Variants in LRIG3 observed in about 807,000 individuals in gnomAD.
LRIG3 encodes leucine rich repeats and immunoglobulin like domains 3.
A neutral mutation model predicts 114.5 loss-of-function variants in LRIG3; 76 were observed. That is an observed-to-expected ratio of 0.66 (90% CI 0.55 to 0.80). LRIG3 has a LOEUF of 0.80. Among genes scored for constraint, LRIG3 ranks in the 30% least tolerant of loss-of-function variants. The pLI, the probability that LRIG3 is intolerant of heterozygous loss-of-function variation, is 0.00. For missense variants in LRIG3, 1,239 were observed against 1,382.8 expected (o/e 0.90, Z 1.65); for synonymous variants, 512 against 519.8 (o/e 0.98, Z 0.20).
intron 10 of LRIG3, among the ~76,000 whole-genome samples, chr12:58,884,519 A>G (rs1592297028): frequency 6.6e-6 from 1 of 152,238 alleles, no homozygotes; most frequent in East Asian, 1.9e-4. Context: ...ACGTTCCCAG[A>G]AACGGAATGG....
chr12:58,907,590 A>G (rs1377125027), intron 3 of LRIG3, among the ~76,000 whole-genome samples: 1 of 152,074 alleles, frequency 6.6e-6, no homozygotes, highest in Non-Finnish European at 1.5e-5. Context: ...CATTTTCAGA[A>G]CTCTTTCATG....
chr12:58,880,618 A>C lies in LRIG3; in HGVS notation c.1764T>G (p.Gly588=), dbSNP rs1430822541. 1.9e-6 allele frequency: 3 copies of C among 1,614,012 alleles called. No individual in the cohort carries two copies. The highest frequency in any genetic ancestry group is 2.7e-5 in the African/African-American group (2 of 74,942). ...GCTTGGCTTTGACAGAGTAGGATGAACCAAAGTGATTGGAGATGACACACT... is the reference window on the plus strand; with the variant it reads ...GCTTGGCTTTGACAGAGTAGGATGACCCAAAGTGATTGGAGATGACACACT... ...KYQCVISNHF[G]SSYSVKAKLT... The change falls in exon 13 of 19, where the codon GGT becomes GGG. Residue 588 remains glycine (G), a synonymous_variant. Transcript: ENST00000320743.
chr12:58,916,218 G>C (rs1872477218), intron 1 of LRIG3, among the ~76,000 whole-genome samples: 1 of 152,120 alleles, frequency 6.6e-6, no homozygotes, highest in Non-Finnish European at 1.5e-5. Context: ...TAAAAAATAA[G>C]AAACTCCCTT....
In LRIG3 at chr12:58,891,369, A is replaced by G. The variant is rs564997973; in HGVS notation, c.384-573T>C. On this transcript the variant is annotated intron_variant, in intron 3 of 18. Coordinates refer to ENST00000320743, the MANE Select transcript of LRIG3 (RefSeq NM_153377.5). ...GCAATCCTCCAGCCTCAGCCTCCCA[A>G]AGTGCTAGGATTACAGGTGTGAGCC... Among the ~76,000 whole-genome samples, 5 of 151,968 alleles carry G rather than the reference A, an allele frequency of 3.3e-5. No individual in the cohort carries two copies. The East Asian group carries it at 9.7e-4, about 29-fold the overall frequency.
chr12:58,882,738 A>G (rs1871160284), intron 12 of LRIG3, 131 bp downstream of exon 12: 2 of 979,198 alleles, frequency 2.0e-6, no homozygotes, highest in Non-Finnish European at 2.9e-6. Context: ...CTATAGACCC[A>G]TTTTCCTCTA....
At chr12:58,878,343 C>T (rs1022705509) in intron 14 of LRIG3, among the ~76,000 whole-genome samples, 3 of 151,814 alleles carry the variant, frequency 2.0e-5, no homozygotes, top group Non-Finnish European at 2.9e-5. Flanking sequence ...TTCAAAGATA[C>T]GTGAATAATA....
intron 16 of LRIG3, 121 bp downstream of exon 16, chr12:58,876,324 A>C (rs1870915003): frequency 2.0e-6 from 2 of 1,024,660 alleles, no homozygotes; most frequent in Non-Finnish European, 2.8e-6. Context: ...CTTGCTAGTG[A>C]TCTTGGGCCA....
At position 58,872,535 on chromosome 12, in the gene LRIG3, G is replaced by GGTA; in HGVS notation, c.*34_*36dup. On this transcript the variant is annotated 3_prime_UTR_variant, in exon 19 of 19. Transcript: ENST00000320743. ...CTCTTTTAAATAAAAGTTCACTTGA[G>GGTA]GTAGTATGTTAAGCTTTTCCTTTGG... is the stretch of plus-strand genomic sequence containing the variant. 6.6e-7 allele frequency: 1 copy of GGTA among 1,521,486 alleles called. No individual in the cohort carries two copies. The highest frequency in any genetic ancestry group is 8.8e-7 in the Non-Finnish European group (1 of 1,131,690). 94.2% of individuals were successfully genotyped at this position (1,521,486 alleles called of 1,614,324 possible).
At chr12:58,906,548 T>C (rs1290934284) in intron 3 of LRIG3, among the ~76,000 whole-genome samples, 1 of 152,228 alleles carries the variant, frequency 6.6e-6, no homozygotes, top group East Asian at 1.9e-4. Flanking sequence ...AATGCACGCT[T>C]ATGAATGAAA....
At chr12:58,903,454 T>C (rs1212204907) in intron 3 of LRIG3, among the ~76,000 whole-genome samples, 1 of 152,248 alleles carries the variant, frequency 6.6e-6, no homozygotes, top group African/African-American at 2.4e-5. Flanking sequence ...CATTGTGGAT[T>C]CTGGATATTA....
At chr12:58,893,483 C>T (rs1033357704) in intron 3 of LRIG3, among the ~76,000 whole-genome samples, 1 of 152,178 alleles carries the variant, frequency 6.6e-6, no homozygotes, top group Non-Finnish European at 1.5e-5. Context: ...GTCTTAGAGG[C>T]TTTTGTTTAG....
At position 58,890,121 on chromosome 12, in the gene LRIG3, T is replaced by C; in HGVS notation, c.534A>G (p.Arg178=). ...AATACCCAGGTTCCATTGATGTGAC[T>C]CGGTTGCTGTTGAGATACCTGTTGA... ...QLKYLYLNSN[R]VTSMEPGYFD... Residue 178 remains arginine, a synonymous_variant, in exon 5 of 19, where the codon CGA becomes CGG. Coordinates refer to ENST00000320743, the MANE Select transcript of LRIG3 (RefSeq NM_153377.5). 9 of 1,613,660 alleles carry C rather than the reference T, an allele frequency of 5.6e-6. No individual in the cohort carries two copies. The highest frequency in any genetic ancestry group is 7.6e-6 in the Non-Finnish European group (9 of 1,179,678).
chr12:58,897,092 G>A (rs531845159), intron 3 of LRIG3, among the ~76,000 whole-genome samples: 1 of 152,266 alleles, frequency 6.6e-6, no homozygotes, highest in African/African-American at 2.4e-5. Flanking sequence ...CTCTCATATA[G>A]ATAAAAAATA....
At chr12:58,902,563 CT>C (rs1014265665) in intron 3 of LRIG3, among the ~76,000 whole-genome samples, 10 of 151,812 alleles carry the variant, frequency 6.6e-5, no homozygotes, top group Admixed American at 3.3e-4. Context: ...TGCCTTTTCT[CT>C]TTTTTTTATT....
At chr12:58,915,495 TC>T (rs1213901491) in intron 1 of LRIG3, among the ~76,000 whole-genome samples, 4 of 152,138 alleles carry the variant, frequency 2.6e-5, no homozygotes, top group Non-Finnish European at 5.9e-5. Flanking sequence ...AAATCAGAGT[TC>T]CTTTCAGTCT....
chr12:58,881,885 A>G (rs1222163175), intron 12 of LRIG3, among the ~76,000 whole-genome samples: 1 of 152,222 alleles, frequency 6.6e-6, no homozygotes, highest in Admixed American at 6.5e-5. Flanking sequence ...AAAACGATGG[A>G]TACTATACAT....
At chr12:58,896,329 A>C (rs951774262) in intron 3 of LRIG3, among the ~76,000 whole-genome samples, 16 of 152,220 alleles carry the variant, frequency 1.1e-4, no homozygotes, top group African/African-American at 3.9e-4. Flanking sequence ...AAGTGTCTCA[A>C]AAGAACCTTC....
rs115951793 is a variant in LRIG3 at position 58,890,419 on chromosome 12, T to C, written c.515+246A>G. Among the ~76,000 whole-genome samples, 320 of 152,320 alleles carry C rather than the reference T, an allele frequency of 2.1e-3. 1 individual carries two copies. The highest frequency in any genetic ancestry group is 7.4e-3 in the African/African-American group (307 of 41,560). ...TAGCAATGGTCTGATTTTGATTGTT[T>C]TTTTAAAAATGAGCACTTTTCACAC... is the stretch of plus-strand genomic sequence containing the variant. On this transcript the variant is annotated intron_variant, in intron 4 of 18. Transcript: ENST00000320743.
rs1233003588 is a variant in LRIG3 at position 58,883,606 on chromosome 12, A to G, written c.1245-15T>C. 7 of 1,530,264 alleles carry G rather than the reference A, an allele frequency of 4.6e-6. No individual in the cohort carries two copies. The highest frequency in any genetic ancestry group is 6.2e-6 in the Non-Finnish European group (7 of 1,121,630). 94.8% of individuals were successfully genotyped at this position (1,530,264 alleles called of 1,614,324 possible). ...CACTCAGGTCTCTGAAAAATCACCAAATCAAATGCATCAGAGCAAACTACC... is the reference window on the plus strand; with the variant it reads ...CACTCAGGTCTCTGAAAAATCACCAGATCAAATGCATCAGAGCAAACTACC... On this transcript the variant is annotated splice_polypyrimidine_tract_variant and intron_variant, in intron 10 of 18. Transcript: ENST00000320743.
Sources: allele counts gnomAD v4.1 joint callset (sites outside exome capture counted in the v4.1 genomes callset), GRCh38; gene constraint gnomAD v4.1.1; transcripts MANE v1.5; gene names NCBI Gene and HGNC (gene_info 2026-07-23, HGNC 2026-07-21).